The following DDR2 variants were observed in gnomAD, a reference collection of about 807,000 sequenced individuals.
DDR2 encodes the protein discoidin domain receptor tyrosine kinase 2, also known as discoidin domain-containing receptor 2.
Under a neutral mutation model 94.9 loss-of-function variants are expected in DDR2, and 27 were observed. The observed-to-expected ratio is 0.28, with a 90% confidence interval of 0.21 to 0.39. DDR2 has a LOEUF of 0.39. Ranked by LOEUF, DDR2 falls within the 10% of genes least tolerant of loss-of-function variation. The pLI, the probability that DDR2 is intolerant of heterozygous loss-of-function variation, is 1.00. For synonymous variants in DDR2, 382 were observed against 377.2 expected (o/e 1.01, Z -0.15); for missense variants, 783 against 1,076.0 (o/e 0.73, Z 3.81).
At chr1:162,700,098 A>G (rs919446378) in intron 2 of DDR2, among the ~76,000 whole-genome samples, 4 of 152,242 alleles carry the variant, frequency 2.6e-5, no homozygotes, top group Non-Finnish European at 5.9e-5. Context: ...TTAAACTGCA[A>G]TGGACCACAC....
intron 2 of DDR2, among the ~76,000 whole-genome samples, chr1:162,718,153 A>T (rs1349412136): frequency 2.0e-5 from 3 of 152,192 alleles, no homozygotes; most frequent in Non-Finnish European, 4.4e-5. Flanking sequence ...GAACTCATTA[A>T]GTTGGCTACT....
rs1268280768 is a variant in DDR2, at chr1:162,666,957, T to A, written c.-28+11583T>A. The stretch of plus-strand genomic sequence containing the variant: ...GAATATATATATGCAAACTCATAAA[T>A]ATATATATATATATCTCCATGCAAC... On this transcript the variant is annotated intron_variant, in intron 2 of 17. Transcript: ENST00000367921. Among the ~76,000 whole-genome samples, 12 of 148,924 alleles carry A rather than the reference T, an allele frequency of 8.1e-5. No homozygotes were observed. In the East Asian group the frequency reaches 2.3e-3, roughly 29 times the overall value.
intron 8 of DDR2, 33 bp from the exon 9 acceptor site, chr1:162,761,178 A>C (rs1211613254): frequency 6.2e-7 from 1 of 1,613,514 alleles, no homozygotes; most frequent in Admixed American, 1.7e-5. Context: ...TAGCAGGGCC[A>C]ACCTATCACT....
At position 162,650,702 on chromosome 1, in the gene DDR2, G is replaced by A. The variant is rs559642522; in HGVS notation, c.-191-4509G>A. Among the ~76,000 whole-genome samples the A allele has an allele frequency of 4.6e-5, 7 of 152,134 alleles. No homozygotes were observed. In the South Asian group the frequency reaches 1.5e-3, roughly 32 times the overall value. Reference sequence around the variant, plus strand: ...CTTCTTCCCTCCTGTGCTAGTCATTGGTCAATTCTCAATCCTCTCCACATT... The same window carrying A: ...CTTCTTCCCTCCTGTGCTAGTCATTAGTCAATTCTCAATCCTCTCCACATT... On this transcript the variant is annotated intron_variant, in intron 1 of 17. Coordinates refer to ENST00000367921, the MANE Select transcript of DDR2 (RefSeq NM_006182.4).
intron 3 of DDR2, among the ~76,000 whole-genome samples, chr1:162,747,680 C>A (rs1662953544): frequency 6.6e-6 from 1 of 152,082 alleles, no homozygotes; most frequent in African/African-American, 2.4e-5. Flanking sequence ...AGAAGAGCAA[C>A]CCCAAGACAC....
At position 162,763,336 on chromosome 1, in the gene DDR2, C is replaced by CTTTTTTTTTTTTTTT. The variant is rs56323242; in HGVS notation, c.1099+1902_1099+1916dup. Reference sequence around the variant, plus strand: ...TACAGGTGCCTGCTACCACGCCCGGCTTTTTTTTTTTTTTTTTTTTTTTTT... The same window carrying CTTTTTTTTTTTTTTT: ...TACAGGTGCCTGCTACCACGCCCGGCTTTTTTTTTTTTTTTTTTTTTTTTTTTTTTTTTTTTTTTT... On this transcript the variant is annotated intron_variant, in intron 9 of 17. Coordinates refer to ENST00000367921, the MANE Select transcript of DDR2 (RefSeq NM_006182.4). Among the ~76,000 whole-genome samples, 3 of 56,500 alleles carry CTTTTTTTTTTTTTTT rather than the reference C, an allele frequency of 5.3e-5. 1 individual carries two copies. The highest frequency in any genetic ancestry group is 2.3e-4 in the African/African-American group (3 of 13,332). 37.1% of individuals were successfully genotyped at this position (56,500 alleles called of 152,430 possible). A position where few individuals can be genotyped will look rare whatever the true frequency, so the allele number is the denominator to read the frequency against.
chr1:162,771,996 T>C (rs1419011062), intron 12 of DDR2, 28 bp from the exon 13 acceptor site: 1 of 1,572,156 alleles, frequency 6.4e-7, no homozygotes, highest in African/African-American at 1.4e-5. Flanking sequence ...CTCCACGGAA[T>C]GAGGGCTCGT....
chr1:162,751,366 T>C (rs956572732), intron 3 of DDR2, among the ~76,000 whole-genome samples: 1 of 152,044 alleles, frequency 6.6e-6, no homozygotes, highest in Non-Finnish European at 1.5e-5. Flanking sequence ...CAAAAGAAGA[T>C]ATTTATGCAG....
intron 2 of DDR2, among the ~76,000 whole-genome samples, chr1:162,655,733 T>C (rs546075535): frequency 3.9e-5 from 6 of 152,310 alleles, no homozygotes; most frequent in Non-Finnish European, 8.8e-5. Context: ...ATCTGTAGGG[T>C]TCCAGCGTCA....
intron 9 of DDR2, among the ~76,000 whole-genome samples, chr1:162,761,827 A>G (rs1663762421): frequency 1.3e-5 from 2 of 152,132 alleles, no homozygotes; most frequent in South Asian, 2.1e-4. Flanking sequence ...AGAACAATAA[A>G]CCACTCATCA....
chr1:162,708,324 G>T (rs902521582), intron 2 of DDR2, among the ~76,000 whole-genome samples: 1 of 152,200 alleles, frequency 6.6e-6, no homozygotes, highest in Non-Finnish European at 1.5e-5. Context: ...AGATGAGATA[G>T]AATTGATTGA....
intron 1 of DDR2, among the ~76,000 whole-genome samples, chr1:162,637,967 A>G (rs1287451865): frequency 6.6e-6 from 1 of 152,210 alleles, no homozygotes; most frequent in Non-Finnish European, 1.5e-5. Context: ...GCATAAAGCC[A>G]TTAACAAGAG....
chr1:162,683,170 G>C (rs375394841), intron 2 of DDR2, among the ~76,000 whole-genome samples: 1 of 151,748 alleles, frequency 6.6e-6, no homozygotes, highest in Non-Finnish European at 1.5e-5. Flanking sequence ...AAAAACTCTC[G>C]GCAAGTTAGG....
At chr1:162,633,192 A>G (rs1277572297) in intron 1 of DDR2, among the ~76,000 whole-genome samples, 1 of 152,096 alleles carries the variant, frequency 6.6e-6, no homozygotes, top group Admixed American at 6.5e-5. Flanking sequence ...AAGATTTTTC[A>G]GTTGTGACAG....
chr1:162,637,781 T>G (rs1344967041), intron 1 of DDR2, among the ~76,000 whole-genome samples: 1 of 152,172 alleles, frequency 6.6e-6, no homozygotes, highest in Admixed American at 6.5e-5. Flanking sequence ...TTTAATAAAA[T>G]ATCTGCTGAG....
In DDR2 at chr1:162,779,875, A is replaced by G. The variant is rs575879666; in HGVS notation, c.2434-237A>G. ...GTAGGGACCACATAATGGCCCATCA[A>G]AAAATTCTGCTGCAGACAACTGCAG... On this transcript the variant is annotated intron_variant, in intron 17 of 17. Coordinates refer to ENST00000367921, the MANE Select transcript of DDR2 (RefSeq NM_006182.4). Among the ~76,000 whole-genome samples the G allele has an allele frequency of 7.2e-5, 11 of 152,316 alleles. No homozygotes were observed. In the South Asian group the frequency reaches 1.9e-3, roughly 26 times the overall value.
intron 16 of DDR2, chr1:162,777,846 A>G (rs1181231909): frequency 2.0e-5 from 3 of 152,526 alleles, no homozygotes; most frequent in African/African-American, 4.8e-5. Context: ...GTCTGGCATT[A>G]ATATGGTCAC....
chr1:162,645,103 C>T (rs147939163), intron 1 of DDR2, among the ~76,000 whole-genome samples: 1 of 152,334 alleles, frequency 6.6e-6, no homozygotes, highest in East Asian at 1.9e-4. Flanking sequence ...GTGGCGTGGT[C>T]ATAAGTTGCT....
At chr1:162,685,573 A>C (rs1659648543) in intron 2 of DDR2, among the ~76,000 whole-genome samples, 1 of 151,466 alleles carries the variant, frequency 6.6e-6, no homozygotes, top group Non-Finnish European at 1.5e-5. Context: ...GGTGTTCCTG[A>C]ACCTCATTCT....
Sources: gnomAD v4.1 joint callset for allele counts (sites outside exome capture counted in the v4.1 genomes callset) on GRCh38, gnomAD v4.1.1 for gene constraint, MANE v1.5 for transcripts, NCBI Gene and HGNC (gene_info 2026-07-23, HGNC 2026-07-21) for gene names.